Variants in MTX2 observed in about 807,000 individuals in gnomAD.
The protein encoded by MTX2 is metaxin-2.
In MTX2, 35 loss-of-function variants were observed where a neutral mutation model predicts 42.3. That is an observed-to-expected ratio of 0.83 (90% CI 0.63 to 1.10). The LOEUF (loss-of-function observed/expected upper bound fraction) is 1.10, where lower values mean the gene tolerates loss of function less well. Ranked by LOEUF, MTX2 falls within the 50% of genes least tolerant of loss-of-function variation. The pLI, the probability that MTX2 is intolerant of heterozygous loss-of-function variation, is 0.00. For synonymous variants in MTX2, 119 were observed against 100.9 expected (o/e 1.18, Z -1.08); for missense variants, 307 against 304.1 (o/e 1.01, Z -0.07).
chr2:176,329,857 G>A (rs923995134), intron 8 of MTX2, among the ~76,000 whole-genome samples: 13 of 147,422 alleles, frequency 8.8e-5, no homozygotes, highest in African/African-American at 2.7e-4. Flanking sequence ...TAAAAAAAAA[G>A]CCCTGTTAAA....
At chr2:176,312,317 T>G (rs1684335047) in intron 3 of MTX2, among the ~76,000 whole-genome samples, 1 of 152,180 alleles carries the variant, frequency 6.6e-6, no homozygotes, top group African/African-American at 2.4e-5. Context: ...TATTGAGACT[T>G]TATTGTATGC....
chr2:176,309,178 C>A (rs1487977613), intron 3 of MTX2, among the ~76,000 whole-genome samples: 6 of 152,172 alleles, frequency 3.9e-5, no homozygotes, highest in Admixed American at 3.3e-4. Flanking sequence ...GCAGGTTGTT[C>A]AGTTTCCATG....
intron 3 of MTX2, among the ~76,000 whole-genome samples, chr2:176,313,958 T>C (rs1174629687): frequency 6.6e-6 from 1 of 152,090 alleles, no homozygotes; most frequent in African/African-American, 2.4e-5. Context: ...TTAGCGTCAT[T>C]CTTGTGCACA....
intron 1 of MTX2, among the ~76,000 whole-genome samples, chr2:176,292,964 G>A (rs1161569600): frequency 2.6e-5 from 4 of 152,120 alleles, no homozygotes; most frequent in Non-Finnish European, 4.4e-5. Flanking sequence ...TAGCCCTTAC[G>A]TATATGTGTA....
Position 176,288,373 on chromosome 2 carries a change from A to G in MTX2, c.41-8487A>G, listed in dbSNP as rs1009823383. ...TATCATTAGTATAATATTTATGTCA[A>G]ATTAACAAATTTCCTTCCTTTCTTT... is the stretch of plus-strand genomic sequence containing the variant. On this transcript the variant is annotated intron_variant, in intron 1 of 9. Transcript: ENST00000249442. 3.9e-5 allele frequency among the ~76,000 whole-genome samples: 6 copies of G among 151,962 alleles called. 1 individual carries two copies. The highest frequency in any genetic ancestry group is 4.1e-4 in the South Asian group (2 of 4,826).
intron 1 of MTX2, among the ~76,000 whole-genome samples, chr2:176,276,814 C>T (rs1692957842): frequency 6.6e-6 from 1 of 152,116 alleles, no homozygotes; most frequent in Non-Finnish European, 1.5e-5. Context: ...TGATTTATTA[C>T]TCCACCGGTG....
intron 1 of MTX2, among the ~76,000 whole-genome samples, chr2:176,283,786 A>G (rs148802340): frequency 6.6e-6 from 1 of 152,334 alleles, no homozygotes; most frequent in Non-Finnish European, 1.5e-5. Context: ...CCATTAAACT[A>G]TTGCACTGTG....
intron 1 of MTX2, among the ~76,000 whole-genome samples, chr2:176,293,464 G>C (rs1014963362): frequency 2.6e-5 from 4 of 152,142 alleles, no homozygotes; most frequent in African/African-American, 7.2e-5. Flanking sequence ...GGTGGGTCCT[G>C]GTGGAGGTGT....
intron 1 of MTX2, among the ~76,000 whole-genome samples, chr2:176,279,115 TG>T (rs1292522561): frequency 2.0e-5 from 3 of 152,242 alleles, no homozygotes; most frequent in Admixed American, 6.5e-5. Flanking sequence ...CACTTAGCTA[TG>T]TTTTTTTGCT....
chr2:176,317,038 T>TTAAA (rs1553474451), intron 3 of MTX2, among the ~76,000 whole-genome samples: 1 of 144,266 alleles, frequency 6.9e-6, no homozygotes, highest in African/African-American at 2.6e-5. Context: ...GTGTCTTTTT[T>TTAAA]AAAAAAAAAA....
chr2:176,318,455 A>G (rs1009366189), intron 3 of MTX2, among the ~76,000 whole-genome samples: 4 of 152,200 alleles, frequency 2.6e-5, no homozygotes, highest in Non-Finnish European at 5.9e-5. Context: ...AAAATTTCCT[A>G]CCAGGTAGTC....
chr2:176,316,480 C>T (rs781542111), intron 3 of MTX2, among the ~76,000 whole-genome samples: 1 of 152,154 alleles, frequency 6.6e-6, no homozygotes, highest in African/African-American at 2.4e-5. Flanking sequence ...CGGCTTACTA[C>T]AGCCTCAACC....
intron 1 of MTX2, among the ~76,000 whole-genome samples, chr2:176,279,449 G>T (rs1693029263): frequency 6.6e-6 from 1 of 151,930 alleles, no homozygotes; most frequent in Non-Finnish European, 1.5e-5. Context: ...CATTTCTTTT[G>T]ATTGTTAGCT....
rs1685035953 is a variant in MTX2 at position 176,337,868 on chromosome 2, T to A, written c.*204T>A. Reference sequence around the variant, plus strand: ...AATTATTTAATCTGATATGTTGTATTCTGTATCTTGAAATTTTTGTTTCCT... The same window carrying A: ...AATTATTTAATCTGATATGTTGTATACTGTATCTTGAAATTTTTGTTTCCT... On this transcript the variant is annotated 3_prime_UTR_variant, in exon 10 of 10. Transcript: ENST00000249442. 1.0e-5 allele frequency: 4 copies of A among 387,074 alleles called. No individual in the cohort carries two copies. Among genetic ancestry groups the A allele is most frequent in the East Asian group, 4.3e-5 (1 of 23,228 alleles). 24.0% of individuals were successfully genotyped at this position (387,074 alleles called of 1,614,324 possible).
chr2:176,313,342 C>G (rs1158849336), intron 3 of MTX2, among the ~76,000 whole-genome samples: 1 of 150,576 alleles, frequency 6.6e-6, no homozygotes, highest in Non-Finnish European at 1.5e-5. Context: ...AGAGAGCTCT[C>G]TCTCTGATCT....
chr2:176,286,440 T>C (rs182813426), intron 1 of MTX2, among the ~76,000 whole-genome samples: 94 of 152,300 alleles, frequency 6.2e-4, no homozygotes, highest in African/African-American at 2.2e-3. Context: ...TTTCTGTGTT[T>C]TCAATCTTTG....
intron 1 of MTX2, among the ~76,000 whole-genome samples, chr2:176,285,986 C>T (rs1321154900): frequency 6.6e-6 from 1 of 152,164 alleles, no homozygotes; most frequent in African/African-American, 2.4e-5. Flanking sequence ...CCATCAGCAA[C>T]GTGTGAGAAT....
intron 1 of MTX2, among the ~76,000 whole-genome samples, chr2:176,271,962 C>T (rs2105390109): frequency 1.3e-5 from 2 of 152,226 alleles, no homozygotes; most frequent in East Asian, 3.9e-4. Flanking sequence ...TTCATTGCAG[C>T]AGTATTCACA....
intron 3 of MTX2, among the ~76,000 whole-genome samples, chr2:176,315,497 C>T (rs954100238): frequency 3.9e-5 from 6 of 152,182 alleles, no homozygotes; most frequent in African/African-American, 1.2e-4. Context: ...ACAAAAGCCT[C>T]CTAATTAGTT....
Sources: gnomAD v4.1 joint callset for allele counts (sites outside exome capture counted in the v4.1 genomes callset) on GRCh38, gnomAD v4.1.1 for gene constraint, MANE v1.5 for transcripts, NCBI Gene and HGNC (gene_info 2026-07-23, HGNC 2026-07-21) for gene names.